BAIAP2: variants seen among roughly 807,000 people sequenced by gnomAD.
BAIAP2 encodes the protein BAR/IMD domain containing adaptor protein 2.
Under a neutral mutation model 63.0 loss-of-function variants are expected in BAIAP2, and 18 were observed. The observed-to-expected ratio is 0.29, with a 90% CI of 0.20 to 0.42. The LOEUF (loss-of-function observed/expected upper bound fraction) is 0.42. Among genes scored for constraint, BAIAP2 ranks in the 10% least tolerant of loss-of-function variants. BAIAP2 has a pLI of 1.00. For synonymous variants in BAIAP2, 386 were observed against 307.6 expected (o/e 1.25, Z -2.67); for missense variants, 610 against 734.3 (o/e 0.83, Z 1.96).
Position 81,116,135 on chromosome 17 carries a change from G to T in BAIAP2, c.*296G>T. Reference sequence around the variant, plus strand: ...GCCATGGAGCCTTGGGTACCCCTGAGTTAAGGGAGGACATTTGGCCAGCTG... The same window carrying T: ...GCCATGGAGCCTTGGGTACCCCTGATTTAAGGGAGGACATTTGGCCAGCTG... On this transcript the variant is annotated 3_prime_UTR_variant, in exon 14 of 14. Transcript: ENST00000428708. The T allele has an allele frequency of 6.3e-7, 1 of 1,590,608 alleles. No homozygotes were observed.
intron 6 of BAIAP2, chr17:81,097,789 C>T (rs2057882397): frequency 4.0e-6 from 1 of 247,022 alleles, no homozygotes; most frequent in Admixed American, 5.6e-5. Flanking sequence ...AGCAGCTAGC[C>T]TCCTGCGGCC....
intron 3 of BAIAP2, among the ~76,000 whole-genome samples, chr17:81,072,293 G>A (rs1249119120): frequency 1.3e-5 from 2 of 152,184 alleles, no homozygotes; most frequent in Admixed American, 6.5e-5. Context: ...GATTCCCTCC[G>A]GCTTCCTGCT....
chr17:81,060,811 TTCC>T (rs1237953782), intron 3 of BAIAP2, among the ~76,000 whole-genome samples: 16 of 151,454 alleles, frequency 1.1e-4, no homozygotes, highest in South Asian at 1.0e-3. Flanking sequence ...GTTTATGCCA[TTCC>T]TCCTCCTCCT....
intron 3 of BAIAP2, among the ~76,000 whole-genome samples, chr17:81,068,949 A>G (rs1383992196): frequency 6.6e-6 from 1 of 151,504 alleles, no homozygotes; most frequent in Non-Finnish European, 1.5e-5. Flanking sequence ...AGGCTCCTCC[A>G]CTCCCCAGTC....
At chr17:81,074,629 G>A (rs1375308476) in intron 3 of BAIAP2, among the ~76,000 whole-genome samples, 5 of 148,156 alleles carry the variant, frequency 3.4e-5, no homozygotes, top group East Asian at 2.0e-4. Context: ...GCCTGTGTGC[G>A]TGCACGGATG....
intron 6 of BAIAP2, among the ~76,000 whole-genome samples, chr17:81,089,654 C>T (rs758802510): frequency 3.3e-5 from 5 of 152,136 alleles, no homozygotes; most frequent in Non-Finnish European, 5.9e-5. Flanking sequence ...GGGAGGGGGT[C>T]GTGGCCTTAC....
Position 81,116,510 on chromosome 17 carries a change from C to T in BAIAP2, c.*671C>T. The T allele has an allele frequency of 4.5e-6, 3 of 659,904 alleles. No homozygotes were observed. The highest frequency in any genetic ancestry group is 7.6e-6 in the Non-Finnish European group (3 of 397,008). The allele number at this position is 659,904 out of a possible 1,614,324, so 40.9% of individuals were successfully genotyped here. Reference sequence around the variant, plus strand: ...AACCTCCCATCCAGAACCTTGCTGCCAGGGCCTCCCAGCTCGCTCCTGCGG... The same window carrying T: ...AACCTCCCATCCAGAACCTTGCTGCTAGGGCCTCCCAGCTCGCTCCTGCGG... On this transcript the variant is annotated 3_prime_UTR_variant, in exon 14 of 14. Transcript: ENST00000428708.
intron 13 of BAIAP2, among the ~76,000 whole-genome samples, chr17:81,113,473 G>A (rs990192425): frequency 2.0e-5 from 3 of 152,214 alleles, no homozygotes; most frequent in African/African-American, 7.2e-5. Context: ...AGCACAGCGA[G>A]CTCCCCGCCG....
chr17:81,086,854 C>A, intron 6 of BAIAP2: 1 of 418,412 alleles, frequency 2.4e-6, no homozygotes, highest in Non-Finnish European at 4.4e-6. Context: ...AAATGGAGTC[C>A]TCCCCTCTGT....
intron 9 of BAIAP2, 75 bp downstream of exon 9, chr17:81,104,183 C>T: frequency 1.4e-6 from 2 of 1,480,422 alleles, no homozygotes; most frequent in Non-Finnish European, 1.9e-6. Flanking sequence ...TGCCACAACC[C>T]TCAATAGGGG....
chr17:81,104,256 C>T (rs949741791), intron 9 of BAIAP2, 148 bp downstream of exon 9: 9 of 934,088 alleles, frequency 9.6e-6, no homozygotes, highest in South Asian at 1.6e-5. Flanking sequence ...GTGGTACACA[C>T]ACGTGTGCCT....
intron 11 of BAIAP2, 57 bp from the exon 12 acceptor site, chr17:81,106,688 G>T (rs1039268954): frequency 6.2e-7 from 1 of 1,603,454 alleles, no homozygotes; most frequent in African/African-American, 1.3e-5. Context: ...CCACAGGGTT[G>T]TGGGGTGTTG....
intron 3 of BAIAP2, among the ~76,000 whole-genome samples, chr17:81,066,264 C>T (rs577357473): frequency 1.8e-4 from 27 of 152,372 alleles, no homozygotes; most frequent in African/African-American, 6.3e-4. Context: ...GCCAGCTGCC[C>T]GGCATCCCCA....
intron 3 of BAIAP2, among the ~76,000 whole-genome samples, chr17:81,078,036 G>T (rs1325737495): frequency 7.0e-6 from 1 of 142,324 alleles, no homozygotes; most frequent in Non-Finnish European, 1.5e-5. Context: ...GCCATCTTGG[G>T]TGGGAGCCAG....
chr17:81,069,754 C>T (rs183913794), intron 3 of BAIAP2, among the ~76,000 whole-genome samples: 3 of 152,294 alleles, frequency 2.0e-5, no homozygotes, highest in East Asian at 3.9e-4. Context: ...CGTTCCTAGG[C>T]AAGGTTCAGT....
intron 6 of BAIAP2, among the ~76,000 whole-genome samples, chr17:81,093,276 A>G (rs2057101993): frequency 6.6e-6 from 1 of 152,076 alleles, no homozygotes; most frequent in South Asian, 2.1e-4. Flanking sequence ...TGGCCCTGGG[A>G]CGACCCTGCT....
intron 13 of BAIAP2, among the ~76,000 whole-genome samples, chr17:81,113,321 C>T (rs903219207): frequency 3.3e-5 from 5 of 152,240 alleles, no homozygotes; most frequent in Non-Finnish European, 7.3e-5. Context: ...AATCGCTGCC[C>T]AGGGCCATGT....
intron 1 of BAIAP2, among the ~76,000 whole-genome samples, chr17:81,042,686 C>A (rs1414058514): frequency 1.3e-5 from 2 of 151,824 alleles, no homozygotes; most frequent in East Asian, 3.9e-4. Context: ...GGTGCCTGTG[C>A]CGGAAAACAG....
At chr17:81,094,226 C>T (rs1014711258) in intron 6 of BAIAP2, among the ~76,000 whole-genome samples, 9 of 152,300 alleles carry the variant, frequency 5.9e-5, no homozygotes, top group Non-Finnish European at 1.2e-4. Flanking sequence ...ACAGCTTGGT[C>T]TGTGATCCTC....
Sources: gnomAD v4.1 joint callset for allele counts (sites outside exome capture counted in the v4.1 genomes callset) on GRCh38, gnomAD v4.1.1 for gene constraint, MANE v1.5 for transcripts, NCBI Gene and HGNC (gene_info 2026-07-23, HGNC 2026-07-21) for gene names.